The following NRG3 variants were observed in gnomAD, a reference collection of about 807,000 sequenced individuals.
The protein encoded by NRG3 is pro-neuregulin-3, membrane-bound isoform.
Under a neutral mutation model 66.9 loss-of-function variants are expected in NRG3, and 31 were observed. That is an observed-to-expected ratio of 0.46 (90% confidence interval 0.35 to 0.63). The LOEUF is 0.63. NRG3 is among the 20% of genes least tolerant of loss of function. The probability of loss-of-function intolerance (pLI) is 0.00; values close to 1 mark genes in which losing one functional copy is unlikely to be tolerated. For missense variants in NRG3, 910 were observed against 878.9 expected (o/e 1.04, Z -0.45); for synonymous variants, 393 against 359.4 (o/e 1.09, Z -1.06).
chr10:82,981,819 G>C (rs531876788), intron 8 of NRG3, among the ~76,000 whole-genome samples: 30 of 152,118 alleles, frequency 2.0e-4, no homozygotes, highest in Non-Finnish European at 3.8e-4. Flanking sequence ...TCAAGCTAAT[G>C]TATTCATATG....
chr10:81,988,272 A>G (rs2060602473), intron 1 of NRG3, among the ~76,000 whole-genome samples: 1 of 152,132 alleles, frequency 6.6e-6, no homozygotes, highest in African/African-American at 2.4e-5. Context: ...TAGAGATAAG[A>G]TTTGAACTCA....
intron 2 of NRG3, among the ~76,000 whole-genome samples, chr10:82,664,763 G>A (rs1183107961): frequency 5.9e-5 from 9 of 151,710 alleles, no homozygotes; most frequent in African/African-American, 2.2e-4. Flanking sequence ...GCTGTCATCC[G>A]TGTTCCCACA....
rs60100337 is a variant in NRG3 at position 82,952,471 on chromosome 10, CTGTGTGTGTGTGTGTGTGTGTG to C, written c.1157+928_1157+949del. Among the ~76,000 whole-genome samples, 6 of 98,790 alleles carry C rather than the reference CTGTGTGTGTGTGTGTGTGTGTG, an allele frequency of 6.1e-5. 1 individual carries two copies. The highest frequency in any genetic ancestry group is 5.0e-4 in the South Asian group (1 of 1,990). The allele number at this position is 98,790 out of a possible 152,430, so 64.8% of individuals were successfully genotyped here. On this transcript the variant is annotated intron_variant, in intron 5 of 8. Coordinates refer to ENST00000372141, the MANE Select transcript of NRG3 (RefSeq NM_001010848.4). ...TATAAACGTCTCTCTCTCTCTCTCT[CTGTGTGTGTGTGTGTGTGTGTG>C]TGTGTGTGTGTGTGTGTGTGTGTGT...
At position 82,780,657 on chromosome 10, in the gene NRG3, C is replaced by G. The variant is rs189550688; in HGVS notation, c.1027+42007C>G. On this transcript the variant is annotated intron_variant, in intron 3 of 8. Transcript: ENST00000372141. ...TTAGCTTAACCATGTAAATACTGAT[C>G]TAATTTTCTGGCCAACAGTTTTAAT... Among the ~76,000 whole-genome samples, 6 of 152,128 alleles carry G rather than the reference C, an allele frequency of 3.9e-5. No homozygotes were observed. The East Asian group carries it at 1.2e-3, about 29-fold the overall frequency.
intron 1 of NRG3, among the ~76,000 whole-genome samples, chr10:81,967,709 A>G (rs1444679374): frequency 6.6e-6 from 1 of 152,140 alleles, no homozygotes; most frequent in Non-Finnish European, 1.5e-5. Flanking sequence ...TAGTTCCATA[A>G]AAGTTAATGT....
chr10:82,598,392 C>T (rs959799188), intron 2 of NRG3, among the ~76,000 whole-genome samples: 13 of 152,136 alleles, frequency 8.5e-5, no homozygotes, highest in Non-Finnish European at 1.6e-4. Flanking sequence ...GAAAACAAGC[C>T]ACAAATGGGA....
At chr10:82,726,140 C>T (rs192106926) in intron 2 of NRG3, among the ~76,000 whole-genome samples, 1 of 152,258 alleles carries the variant, frequency 6.6e-6, no homozygotes, top group East Asian at 1.9e-4. Context: ...ATCTTGGACT[C>T]CTAGTCTCCA....
intron 1 of NRG3, among the ~76,000 whole-genome samples, chr10:81,954,393 G>C (rs1849633581): frequency 6.6e-6 from 1 of 151,910 alleles, no homozygotes; most frequent in South Asian, 2.1e-4. Context: ...TTCTTTCTTT[G>C]ATTGCATGCA....
intron 4 of NRG3, among the ~76,000 whole-genome samples, chr10:82,944,097 A>G (rs935642016): frequency 6.6e-6 from 1 of 152,224 alleles, no homozygotes; most frequent in Non-Finnish European, 1.5e-5. Context: ...TGCACTGATA[A>G]TATACCATCA....
At chr10:82,698,253 G>C (rs1235864900) in intron 2 of NRG3, among the ~76,000 whole-genome samples, 1 of 152,116 alleles carries the variant, frequency 6.6e-6, no homozygotes, top group Non-Finnish European at 1.5e-5. Context: ...AGTTCAAACA[G>C]ATGTGAATTG....
chr10:82,936,792 G>A (rs979561346), intron 4 of NRG3, among the ~76,000 whole-genome samples: 1 of 152,130 alleles, frequency 6.6e-6, no homozygotes, highest in Non-Finnish European at 1.5e-5. Flanking sequence ...TGAGCAAGTA[G>A]AGGAAGACAA....
chr10:82,551,557 G>A (rs1385790628), intron 2 of NRG3, among the ~76,000 whole-genome samples: 1 of 151,380 alleles, frequency 6.6e-6, no homozygotes, highest in Non-Finnish European at 1.5e-5. Flanking sequence ...ACTAGATGAC[G>A]ATGATAAAGG....
At chr10:82,490,153 C>T (rs969392090) in intron 2 of NRG3, among the ~76,000 whole-genome samples, 2 of 152,140 alleles carry the variant, frequency 1.3e-5, no homozygotes, top group Admixed American at 6.6e-5. Context: ...CCCAAACTCC[C>T]ACACCAGCAG....
chr10:82,003,237 GTT>G (rs2061242935), intron 1 of NRG3, among the ~76,000 whole-genome samples: 1 of 152,144 alleles, frequency 6.6e-6, no homozygotes, highest in Admixed American at 6.5e-5. Context: ...AGAATCATGA[GTT>G]TGGAAATATT....
At chr10:82,072,782 T>G (rs983525041) in intron 1 of NRG3, among the ~76,000 whole-genome samples, 2 of 151,924 alleles carry the variant, frequency 1.3e-5, no homozygotes, top group African/African-American at 4.8e-5. Context: ...TATTATTTTT[T>G]AAGAGACAGG....
chr10:82,665,297 C>A (rs1003736384), intron 2 of NRG3, among the ~76,000 whole-genome samples: 2 of 152,190 alleles, frequency 1.3e-5, no homozygotes, highest in Non-Finnish European at 2.9e-5. Context: ...TAGTGTTATT[C>A]TTTGAGATAC....
chr10:82,689,301 A>T (rs2054744675), intron 2 of NRG3, among the ~76,000 whole-genome samples: 1 of 152,124 alleles, frequency 6.6e-6, no homozygotes, highest in Admixed American at 6.5e-5. Flanking sequence ...TATGAAATGT[A>T]TTTTCATAAA....
At chr10:82,793,126 G>C (rs1448641033) in intron 3 of NRG3, among the ~76,000 whole-genome samples, 2 of 152,108 alleles carry the variant, frequency 1.3e-5, no homozygotes, top group South Asian at 2.1e-4. Flanking sequence ...ACATTCGTCT[G>C]TAAGTTTTAA....
At chr10:81,943,763 A>G (rs1000698264) in intron 1 of NRG3, among the ~76,000 whole-genome samples, 3 of 152,228 alleles carry the variant, frequency 2.0e-5, no homozygotes, top group Admixed American at 1.3e-4. Flanking sequence ...CTAGAAAACA[A>G]TGTATCTCTT....
Sources: gnomAD v4.1 joint callset for allele counts (sites outside exome capture counted in the v4.1 genomes callset) on GRCh38, gnomAD v4.1.1 for gene constraint, MANE v1.5 for transcripts, NCBI Gene and HGNC (gene_info 2026-07-23, HGNC 2026-07-21) for gene names.